FRMD3: variants seen among roughly 807,000 people sequenced by gnomAD.
FRMD3 encodes the protein FERM domain containing 3, also known as FERM domain-containing protein 3.
A neutral mutation model predicts 70.2 loss-of-function variants in FRMD3; 33 were observed. The ratio of observed to expected loss-of-function variants is 0.47; its 90% CI spans 0.36 to 0.63. The LOEUF (loss-of-function observed/expected upper bound fraction) is 0.63. Among genes scored for constraint, FRMD3 ranks in the 20% least tolerant of loss-of-function variants. The pLI is 0.00. For synonymous variants in FRMD3, 279 were observed against 255.9 expected, an observed-to-expected ratio of 1.09 and a Z score of -0.86; for missense variants, 632 against 711.4, an observed-to-expected ratio of 0.89 and a Z score of 1.27.
Position 83,247,995 on chromosome 9 carries a change from A to C in FRMD3, c.1717T>G (p.Tyr573Asp). 6.2e-7 allele frequency: 1 copy of C among 1,614,216 alleles called. No homozygotes were observed. Among genetic ancestry groups the C allele is most frequent in the Non-Finnish European group, 8.5e-7 (1 of 1,180,040 alleles). Residue 573 changes from tyrosine to aspartate, a missense_variant, in exon 14 of 14, where the codon TAT (tyrosine) becomes GAT (aspartate). By Grantham distance (160) the Tyr-to-Asp change is radical. Transcript: ENST00000304195. ...RQTPEFEQFH[Y>D]EYYCPLKEWV... Reference sequence around the variant, plus strand: ...TCCTTGAGGGGACAGTAGTATTCATAGTGAAACTGCTCAAACTCTGGTGTC... The same window carrying C: ...TCCTTGAGGGGACAGTAGTATTCATCGTGAAACTGCTCAAACTCTGGTGTC...
At chr9:83,570,058 C>G in the FRMD3 span, among the ~76,000 whole-genome samples, 1 of 152,112 alleles carries the variant, frequency 6.6e-6, no homozygotes, top group African/African-American at 2.4e-5. Flanking sequence ...AGTTTTTGTC[C>G]AACAAAGTGG....
At chr9:83,301,200 C>T (rs1252868082) in intron 10 of FRMD3, among the ~76,000 whole-genome samples, 6 of 152,262 alleles carry the variant, frequency 3.9e-5, no homozygotes, top group Admixed American at 2.0e-4. Context: ...CACCCACTCA[C>T]GAGGCTAGAA....
intron 5 of FRMD3, among the ~76,000 whole-genome samples, chr9:83,337,184 T>C (rs894899582): frequency 6.6e-6 from 1 of 152,166 alleles, no homozygotes; most frequent in Non-Finnish European, 1.5e-5. Flanking sequence ...GGCCACCCCA[T>C]TCAGCATAAA....
intron 10 of FRMD3, among the ~76,000 whole-genome samples, chr9:83,305,326 C>A (rs1412052034): frequency 6.6e-6 from 1 of 152,194 alleles, no homozygotes; most frequent in South Asian, 2.1e-4. Context: ...GCAGAGGGGG[C>A]AGTAATACAG....
intron 1 of FRMD3, among the ~76,000 whole-genome samples, chr9:83,440,121 A>G (rs962877030): frequency 4.6e-5 from 7 of 152,178 alleles, no homozygotes; most frequent in Non-Finnish European, 8.8e-5. Context: ...TCTGGTTTCT[A>G]CCAGCAGAGG....
intron 13 of FRMD3, among the ~76,000 whole-genome samples, chr9:83,253,728 C>G (rs1387424667): frequency 3.3e-5 from 5 of 152,180 alleles, no homozygotes; most frequent in African/African-American, 4.8e-5. Context: ...GGATCTAGAA[C>G]TAGAAATACC....
chr9:83,268,897 A>G (rs920440896), intron 13 of FRMD3, among the ~76,000 whole-genome samples: 2 of 152,156 alleles, frequency 1.3e-5, no homozygotes, highest in Non-Finnish European at 2.9e-5. Context: ...AGTTCTCAAA[A>G]TCTTCAACCC....
chr9:83,570,060 A>T, the FRMD3 span, among the ~76,000 whole-genome samples: 1 of 152,160 alleles, frequency 6.6e-6, no homozygotes, highest in African/African-American at 2.4e-5. Context: ...TTTTTGTCCA[A>T]CAAAGTGGTT....
intron 1 of FRMD3, among the ~76,000 whole-genome samples, chr9:83,511,318 AAGCAGTGAAGCTCAGAG>A (rs1328801019): frequency 1.3e-5 from 2 of 152,210 alleles, no homozygotes; most frequent in African/African-American, 4.8e-5. Context: ...GCCAGAGAGA[AAGCAGTGAAGCTCAGAG>A]AGGGCCCAGA....
chr9:83,462,178 T>A (rs1441099067), intron 1 of FRMD3, among the ~76,000 whole-genome samples: 1 of 152,232 alleles, frequency 6.6e-6, no homozygotes, highest in African/African-American at 2.4e-5. Flanking sequence ...ACTTAGCAGA[T>A]AAACTCAGGT....
chr9:83,564,658 T>C, the FRMD3 span, among the ~76,000 whole-genome samples: 1 of 152,210 alleles, frequency 6.6e-6, no homozygotes, highest in Admixed American at 6.5e-5. Flanking sequence ...TTGCCAGATA[T>C]TGGTTTGTAG....
At chr9:83,459,316 C>A (rs1268669411) in intron 1 of FRMD3, among the ~76,000 whole-genome samples, 1 of 152,184 alleles carries the variant, frequency 6.6e-6, no homozygotes, top group Non-Finnish European at 1.5e-5. Flanking sequence ...CCTAGCCCGG[C>A]CTCCTGAATT....
chr9:83,304,668 C>T (rs1835055742), intron 10 of FRMD3, among the ~76,000 whole-genome samples: 1 of 152,250 alleles, frequency 6.6e-6, no homozygotes, highest in Admixed American at 6.5e-5. Flanking sequence ...ACAGCCTCAA[C>T]CATGTATCCA....
chr9:83,315,116 TAGC>T (rs906656225), intron 6 of FRMD3, among the ~76,000 whole-genome samples: 1 of 152,196 alleles, frequency 6.6e-6, no homozygotes, highest in African/African-American at 2.4e-5. Flanking sequence ...GATCTTCAAA[TAGC>T]AGCCTGTTCT....
At chr9:83,317,705 T>C (rs891007529) in intron 6 of FRMD3, among the ~76,000 whole-genome samples, 1 of 152,202 alleles carries the variant, frequency 6.6e-6, no homozygotes, top group Non-Finnish European at 1.5e-5. Context: ...CACTTCCTTG[T>C]CCTTCCTAAA....
intron 13 of FRMD3, among the ~76,000 whole-genome samples, chr9:83,272,396 G>C (rs1462895219): frequency 2.0e-5 from 3 of 152,018 alleles, no homozygotes; most frequent in African/African-American, 7.2e-5. Flanking sequence ...ACGGAGTCTC[G>C]TTCACTCAGT....
At chr9:83,345,120 G>A (rs1280194026) in intron 4 of FRMD3, among the ~76,000 whole-genome samples, 1 of 152,174 alleles carries the variant, frequency 6.6e-6, no homozygotes, top group Non-Finnish European at 1.5e-5. Context: ...GTGGCTCACT[G>A]ATGTTTTCCT....
intron 1 of FRMD3, among the ~76,000 whole-genome samples, chr9:83,419,501 G>C (rs1235634134): frequency 6.6e-6 from 1 of 151,046 alleles, no homozygotes; most frequent in East Asian, 1.9e-4. Flanking sequence ...GTGTGTTCAT[G>C]TGTGTTGAGT....
chr9:83,401,372 A>G (rs1009396851), intron 1 of FRMD3, among the ~76,000 whole-genome samples: 1 of 152,232 alleles, frequency 6.6e-6, no homozygotes, highest in African/African-American at 2.4e-5. Context: ...GTTGGAAGGT[A>G]CTATAGAGAT....
Sources: gnomAD v4.1 joint callset for allele counts (sites outside exome capture counted in the v4.1 genomes callset) on GRCh38, gnomAD v4.1.1 for gene constraint, MANE v1.5 for transcripts, NCBI Gene and HGNC (gene_info 2026-07-23, HGNC 2026-07-21) for gene names.